The following SLC4A4 variants were observed in gnomAD, a reference collection of about 807,000 sequenced individuals.
SLC4A4 encodes the protein solute carrier family 4 member 4.
Under a neutral mutation model 111.5 loss-of-function variants are expected in SLC4A4, and 27 were observed. That is an observed-to-expected ratio of 0.24 (90% CI 0.18 to 0.33). SLC4A4 has a LOEUF of 0.33. Ranked by LOEUF, SLC4A4 falls within the 10% of genes least tolerant of loss-of-function variation. SLC4A4 has a pLI of 1.00. For missense variants in SLC4A4, 909 were observed against 1,315.5 expected, an observed-to-expected ratio of 0.69 and a Z score of 4.78; for synonymous variants, 443 against 463.4, an observed-to-expected ratio of 0.96 and a Z score of 0.57.
intron 2 of SLC4A4, among the ~76,000 whole-genome samples, chr4:71,095,502 G>C (rs16845769): frequency 0.092 from 13,951 of 152,266 alleles, 790 homozygotes; most frequent in African/African-American, 0.16. Context: ...CAATGGGTGG[G>C]CTTTGTGATC....
chr4:71,088,867 C>T (rs1742282454), intron 1 of SLC4A4, among the ~76,000 whole-genome samples: 2 of 152,024 alleles, frequency 1.3e-5, no homozygotes, highest in Non-Finnish European at 1.5e-5. Context: ...TTTGGTGAAT[C>T]TGACAATTAT....
intron 7 of SLC4A4, chr4:71,437,557 A>G (rs1724272031): frequency 5.9e-6 from 3 of 510,500 alleles, no homozygotes; most frequent in African/African-American, 1.9e-5. Flanking sequence ...AATGCTTGGC[A>G]TTTTTATGGA....
intron 1 of SLC4A4, among the ~76,000 whole-genome samples, chr4:71,087,665 C>T (rs1427575931): frequency 1.3e-5 from 2 of 151,994 alleles, no homozygotes; most frequent in Non-Finnish European, 2.9e-5. Context: ...GTTATGTACC[C>T]AGTAGTCATT....
At chr4:71,142,662 T>A (rs1232914675) in intron 2 of SLC4A4, among the ~76,000 whole-genome samples, 1 of 151,960 alleles carries the variant, frequency 6.6e-6, no homozygotes. Flanking sequence ...TTTTGCAGCA[T>A]CTTTCTGTTG....
At chr4:71,288,386 A>C (rs1254770028) in intron 3 of SLC4A4, among the ~76,000 whole-genome samples, 1 of 151,288 alleles carries the variant, frequency 6.6e-6, no homozygotes, top group East Asian at 1.9e-4. Flanking sequence ...AAGGAGTCAG[A>C]GAACAAATAT....
chr4:71,475,397 T>C (rs1228194096), intron 14 of SLC4A4, among the ~76,000 whole-genome samples: 2 of 151,912 alleles, frequency 1.3e-5, no homozygotes, highest in Non-Finnish European at 2.9e-5. Flanking sequence ...TAATTTTCCT[T>C]CTAAGAAGGA....
At chr4:71,135,729 A>G (rs1326848564) in intron 2 of SLC4A4, among the ~76,000 whole-genome samples, 7 of 152,142 alleles carry the variant, frequency 4.6e-5, no homozygotes, top group Admixed American at 1.3e-4. Context: ...ACATAATCCA[A>G]TCCCCACCAC....
At chr4:71,291,588 C>T (rs1349242020) in intron 3 of SLC4A4, among the ~76,000 whole-genome samples, 1 of 152,082 alleles carries the variant, frequency 6.6e-6, no homozygotes, top group Non-Finnish European at 1.5e-5. Context: ...TACAGGCATA[C>T]ACCACCACAG....
At chr4:71,146,457 A>T (rs1257908584) in intron 2 of SLC4A4, among the ~76,000 whole-genome samples, 2 of 152,226 alleles carry the variant, frequency 1.3e-5, no homozygotes, top group African/African-American at 4.8e-5. Flanking sequence ...GTAGATGTCC[A>T]TTAGGTCCGC....
chr4:71,166,917 TA>T (rs1468426408), intron 2 of SLC4A4, among the ~76,000 whole-genome samples: 3 of 152,192 alleles, frequency 2.0e-5, no homozygotes, highest in Admixed American at 6.5e-5. Flanking sequence ...AGTTCAGATG[TA>T]TTTTTTCCTT....
At chr4:71,208,106 G>T (rs1717890897) in intron 1 of SLC4A4, among the ~76,000 whole-genome samples, 1 of 152,166 alleles carries the variant, frequency 6.6e-6, no homozygotes, top group Non-Finnish European at 1.5e-5. Flanking sequence ...ACTGTGCCTG[G>T]CTGCTCTCCT....
At chr4:71,556,001 T>G (rs891606840) in intron 21 of SLC4A4, among the ~76,000 whole-genome samples, 7 of 151,938 alleles carry the variant, frequency 4.6e-5, no homozygotes, top group African/African-American at 2.4e-5. Context: ...GTAGCCTTAT[T>G]TAGCACTTAG....
At chr4:71,390,833 A>G (rs1249072221) in intron 6 of SLC4A4, among the ~76,000 whole-genome samples, 1 of 152,132 alleles carries the variant, frequency 6.6e-6, no homozygotes, top group East Asian at 1.9e-4. Context: ...TGTTTACATT[A>G]TGGTTTTACC....
chr4:71,150,040 T>A (rs1241200352), intron 2 of SLC4A4, among the ~76,000 whole-genome samples: 1 of 152,184 alleles, frequency 6.6e-6, no homozygotes, highest in Non-Finnish European at 1.5e-5. Flanking sequence ...TGAATATACC[T>A]GCTTATAATT....
intron 3 of SLC4A4, among the ~76,000 whole-genome samples, chr4:71,323,144 C>G (rs1424566737): frequency 6.6e-6 from 1 of 151,896 alleles, no homozygotes; most frequent in African/African-American, 2.4e-5. Flanking sequence ...AATTTAGCAA[C>G]TAAAAAACCT....
intron 3 of SLC4A4, among the ~76,000 whole-genome samples, chr4:71,264,657 GA>G (rs1037384359): frequency 2.0e-5 from 3 of 152,094 alleles, no homozygotes; most frequent in African/African-American, 4.8e-5. Context: ...ACACATGCAT[GA>G]GCAACTATAA....
intron 16 of SLC4A4, among the ~76,000 whole-genome samples, chr4:71,516,441 CTT>C (rs1457462810): frequency 6.6e-6 from 1 of 152,090 alleles, no homozygotes; most frequent in Non-Finnish European, 1.5e-5. Flanking sequence ...TTTTCTTACT[CTT>C]TTGTGTGATT....
chr4:71,264,786 A>AT (rs1406348405), intron 3 of SLC4A4, among the ~76,000 whole-genome samples: 1 of 152,096 alleles, frequency 6.6e-6, no homozygotes, highest in East Asian at 1.9e-4. Context: ...ATTTTAGATT[A>AT]TTTTTTATTG....
intron 7 of SLC4A4, among the ~76,000 whole-genome samples, chr4:71,421,342 C>T (rs982978405): frequency 7.2e-5 from 11 of 152,202 alleles, no homozygotes; most frequent in African/African-American, 2.4e-4. Flanking sequence ...AAAGCAAGTC[C>T]TGAGTGACCT....
Sources: allele counts gnomAD v4.1 joint callset (sites outside exome capture counted in the v4.1 genomes callset), GRCh38; gene constraint gnomAD v4.1.1; transcripts MANE v1.5; gene names NCBI Gene and HGNC (gene_info 2026-07-23, HGNC 2026-07-21).